PXDNL: variants seen among roughly 807,000 people sequenced by gnomAD.
PXDNL encodes peroxidasin like, also known as probable oxidoreductase PXDNL.
PXDNL carries 145 observed loss-of-function variants against 150.8 expected under a neutral mutation model. The ratio of observed to expected loss-of-function variants is 0.96; its 90% CI spans 0.84 to 1.10. The LOEUF (loss-of-function observed/expected upper bound fraction) is 1.10, where lower values mean the gene tolerates loss of function less well. PXDNL is among the 50% of genes least tolerant of loss of function. PXDNL has a pLI of 0.00. For missense variants in PXDNL, 2,087 were observed against 1,873.9 expected, an observed-to-expected ratio of 1.11 and a Z score of -2.10; for synonymous variants, 757 against 725.7, an observed-to-expected ratio of 1.04 and a Z score of -0.69.
chr8:51,345,219 C>T (rs1806111716), intron 20 of PXDNL, among the ~76,000 whole-genome samples: 1 of 152,170 alleles, frequency 6.6e-6, no homozygotes, highest in Admixed American at 6.5e-5. Context: ...AGCTACTGGA[C>T]ATACCTATGC....
chr8:51,749,035 C>T (rs777362841), intron 1 of PXDNL, among the ~76,000 whole-genome samples: 5 of 151,944 alleles, frequency 3.3e-5, no homozygotes, highest in Non-Finnish European at 7.4e-5. Flanking sequence ...TAGCCAAAAC[C>T]TGAAAAAATC....
intron 19 of PXDNL, among the ~76,000 whole-genome samples, chr8:51,349,554 TTGTCC>T (rs1806269649): frequency 6.6e-6 from 1 of 152,238 alleles, no homozygotes; most frequent in African/African-American, 2.4e-5. Flanking sequence ...GAGAAGGGCC[TTGTCC>T]TACCTACCGG....
intron 4 of PXDNL, among the ~76,000 whole-genome samples, chr8:51,538,992 A>C (rs1332874041): frequency 2.6e-5 from 4 of 152,110 alleles, no homozygotes; most frequent in Admixed American, 6.6e-5. Context: ...AATCATTAGA[A>C]TCTCCAATAA....
At chr8:51,645,961 C>A (rs1814910389) in intron 2 of PXDNL, among the ~76,000 whole-genome samples, 1 of 151,886 alleles carries the variant, frequency 6.6e-6, no homozygotes, top group African/African-American at 2.4e-5. Context: ...GGCATTGCAG[C>A]ATAAAGACTG....
intron 13 of PXDNL, among the ~76,000 whole-genome samples, chr8:51,425,888 C>G (rs1310756989): frequency 6.6e-6 from 1 of 152,022 alleles, no homozygotes. Flanking sequence ...TAAACTTACT[C>G]TTCATAGAGA....
chr8:51,534,240 C>T (rs1411262365), intron 4 of PXDNL, among the ~76,000 whole-genome samples: 2 of 137,470 alleles, frequency 1.5e-5, no homozygotes, highest in Admixed American at 1.4e-4. Context: ...AGGAAACCCT[C>T]CGCCTGGCAA....
chr8:51,738,762 A>C (rs1178021746), intron 1 of PXDNL, among the ~76,000 whole-genome samples: 3 of 152,216 alleles, frequency 2.0e-5, no homozygotes, highest in Non-Finnish European at 4.4e-5. Context: ...ATTCTCAAAA[A>C]TGAAATAGTC....
chr8:51,752,993 G>A (rs77807051), intron 1 of PXDNL, among the ~76,000 whole-genome samples: 2 of 152,178 alleles, frequency 1.3e-5, no homozygotes, highest in Non-Finnish European at 2.9e-5. Flanking sequence ...GAAAGGCTTC[G>A]TGGCGACTGC....
At chr8:51,684,464 C>A (rs532205522) in intron 1 of PXDNL, among the ~76,000 whole-genome samples, 1 of 152,292 alleles carries the variant, frequency 6.6e-6, no homozygotes, top group Admixed American at 6.5e-5. Flanking sequence ...ATGATCTAAG[C>A]CCAGAACCCA....
In PXDNL at chr8:51,408,665, C is replaced by T. The variant is rs768124415; in HGVS notation, c.2959G>A (p.Ala987Thr). ...TTTCCCTCCCAGTGGGGGTTCAGGG[C>T]GGACAGCTCCGTGGCCATCCTGTTG... The part of the protein sequence containing the change: ...EHNRMATELS[A>T]LNPHWEGNTV... Residue 987 changes from alanine (A) to threonine (T), a missense_variant, in exon 17 of 23, where the codon GCC becomes ACC. Physicochemically the swap from Ala to Thr is moderately conservative, Grantham distance 58. Coordinates refer to ENST00000356297, the MANE Select transcript of PXDNL (RefSeq NM_144651.5). 2 of 1,602,370 alleles carry T rather than the reference C, an allele frequency of 1.2e-6. No individual in the cohort carries two copies. Among genetic ancestry groups the T allele is most frequent in the Non-Finnish European group, 1.7e-6 (2 of 1,174,306 alleles).
intron 2 of PXDNL, among the ~76,000 whole-genome samples, chr8:51,640,198 A>G (rs370020137): frequency 6.6e-6 from 1 of 152,142 alleles, no homozygotes; most frequent in Non-Finnish European, 1.5e-5. Flanking sequence ...TTGATGGGAC[A>G]TATCTCAAAA....
chr8:51,528,578 G>A (rs1811814717), intron 4 of PXDNL, among the ~76,000 whole-genome samples: 1 of 152,130 alleles, frequency 6.6e-6, no homozygotes, highest in Admixed American at 6.5e-5. Context: ...ACGTGATTAA[G>A]ATTAAGAGCT....
chr8:51,803,624 A>G (rs1223188930), intron 1 of PXDNL, among the ~76,000 whole-genome samples: 1 of 152,176 alleles, frequency 6.6e-6, no homozygotes, highest in Admixed American at 6.5e-5. Context: ...CCAGGACCAC[A>G]GTGTTGCACA....
chr8:51,663,417 C>T (rs902830240), intron 1 of PXDNL, among the ~76,000 whole-genome samples: 1 of 152,162 alleles, frequency 6.6e-6, no homozygotes, highest in Admixed American at 6.5e-5. Flanking sequence ...TAGTGTTCCA[C>T]GTTAAATCCC....
At position 51,408,667 on chromosome 8, in the gene PXDNL, G is replaced by T. The variant is rs1167537518; in HGVS notation, c.2957C>A (p.Ser986Tyr). Residue 986 changes from serine to tyrosine, a missense_variant, in exon 17 of 23, where the codon TCC becomes TAC. Ser to Tyr is a moderately radical substitution (Grantham distance 144, BLOSUM62 -2). Coordinates refer to ENST00000356297, the MANE Select transcript of PXDNL (RefSeq NM_144651.5). ...REHNRMATEL[S>Y]ALNPHWEGNT... is the part of the protein sequence containing the mutation. Reference sequence around the variant, plus strand: ...TCCCTCCCAGTGGGGGTTCAGGGCGGACAGCTCCGTGGCCATCCTGTTGTG... The same window carrying T: ...TCCCTCCCAGTGGGGGTTCAGGGCGTACAGCTCCGTGGCCATCCTGTTGTG... 1.2e-6 allele frequency: 2 copies of T among 1,602,890 alleles called. No individual in the cohort carries two copies. Among genetic ancestry groups the T allele is most frequent in the Non-Finnish European group, 1.7e-6 (2 of 1,174,568 alleles).
At chr8:51,543,167 C>G (rs1812259562) in intron 4 of PXDNL, among the ~76,000 whole-genome samples, 1 of 152,104 alleles carries the variant, frequency 6.6e-6, no homozygotes, top group Non-Finnish European at 1.5e-5. Flanking sequence ...AAGTGGAATT[C>G]TCAAGATCAA....
intron 1 of PXDNL, among the ~76,000 whole-genome samples, chr8:51,774,934 A>C (rs1464005214): frequency 6.6e-6 from 1 of 152,248 alleles, no homozygotes; most frequent in Non-Finnish European, 1.5e-5. Flanking sequence ...ATCCTCAGAT[A>C]CATGATACAT....
At chr8:51,588,586 C>A (rs188663801) in intron 3 of PXDNL, among the ~76,000 whole-genome samples, 5 of 152,314 alleles carry the variant, frequency 3.3e-5, no homozygotes, top group Admixed American at 3.3e-4. Flanking sequence ...CTGTCTTATT[C>A]AAAATTAATT....
At chr8:51,373,353 T>G (rs1399444890) in intron 18 of PXDNL, among the ~76,000 whole-genome samples, 1 of 152,150 alleles carries the variant, frequency 6.6e-6, no homozygotes, top group Non-Finnish European at 1.5e-5. Flanking sequence ...AATAACAAAT[T>G]TCTGTTGTCT....
Sources: gnomAD v4.1 joint callset for allele counts (sites outside exome capture counted in the v4.1 genomes callset) on GRCh38, gnomAD v4.1.1 for gene constraint, MANE v1.5 for transcripts, NCBI Gene and HGNC (gene_info 2026-07-23, HGNC 2026-07-21) for gene names.